Variants in TTC7A observed in about 807,000 individuals in gnomAD.
TTC7A encodes the protein tetratricopeptide repeat domain 7A, also known as tetratricopeptide repeat protein 7A.
A neutral mutation model predicts 103.7 loss-of-function variants in TTC7A; 110 were observed. That is an observed-to-expected ratio of 1.06 (90% confidence interval 0.91 to 1.24). The LOEUF is 1.24. TTC7A is among the 50% of genes most tolerant of loss of function. TTC7A has a pLI of 0.00. For missense variants in TTC7A, 1,340 were observed against 1,116.3 expected (o/e 1.20, Z -2.86); for synonymous variants, 521 against 467.9 (o/e 1.11, Z -1.47).
chr2:47,010,830 G>A (rs138327050), intron 10 of TTC7A, among the ~76,000 whole-genome samples: 6 of 152,240 alleles, frequency 3.9e-5, no homozygotes, highest in Admixed American at 1.3e-4. Flanking sequence ...CTCCTGAGTC[G>A]TTGGGACTAT....
intron 19 of TTC7A, chr2:47,068,653 T>G (rs1684386507): frequency 1.3e-5 from 2 of 151,514 alleles, no homozygotes; most frequent in African/African-American, 4.8e-5. Context: ...TCAGTGGGGA[T>G]CAGAGGCCCC....
upstream of TTC7A, chr2:46,915,966 A>G (rs970499093): frequency 1.0e-6 from 1 of 985,264 alleles, no homozygotes; most frequent in Admixed American, 6.1e-5. Context: ...GGCGGGACTG[A>G]CGCAGTTCTT....
In TTC7A at chr2:47,006,420, A is replaced by T. The variant is rs562848947; in HGVS notation, c.1204-221A>T. 5.3e-5 allele frequency among the ~76,000 whole-genome samples: 8 copies of T among 152,312 alleles called. No individual in the cohort carries two copies. In the South Asian group the frequency reaches 1.0e-3, roughly 20 times the overall value. On this transcript the variant is annotated intron_variant, in intron 9 of 19. Transcript: ENST00000319190. Reference sequence around the variant, plus strand: ...CTGTGAGATCATTCACATGTTAAGGAGGTGAACTGAGGGCCTGAGAGGGTG... The same window carrying T: ...CTGTGAGATCATTCACATGTTAAGGTGGTGAACTGAGGGCCTGAGAGGGTG...
intron 11 of TTC7A, among the ~76,000 whole-genome samples, chr2:47,016,117 A>G (rs1040076017): frequency 6.6e-6 from 1 of 152,320 alleles, no homozygotes. Context: ...GCATTAGCAG[A>G]GTGTGTGAGC....
At chr2:46,929,393 A>G (rs765108280) in intron 2 of TTC7A, among the ~76,000 whole-genome samples, 14 of 152,156 alleles carry the variant, frequency 9.2e-5, no homozygotes, top group African/African-American at 1.9e-4. Context: ...AGGCTGAGGC[A>G]GGATTGCTTG....
rs756396293 is a variant in TTC7A, at chr2:47,073,937, G to A, written c.*14G>A. 232 of 1,600,732 alleles carry A rather than the reference G, an allele frequency of 1.4e-4. No homozygotes were observed. The highest frequency in any genetic ancestry group is 1.8e-4 in the Non-Finnish European group (212 of 1,172,628). ...AGAGAGCTCTGACGACGCTGCAGCC[G>A]CAGGGAGGGAGGGGCTGGCCAGAGG... On this transcript the variant is annotated 3_prime_UTR_variant, in exon 20 of 20. Transcript: ENST00000319190.
chr2:46,950,270 T>C (rs1671288241), intron 1 of TTC7A, 93 bp from the exon 2 acceptor site: 2 of 1,323,154 alleles, frequency 1.5e-6, no homozygotes, highest in African/African-American at 2.9e-5. Context: ...ATGTACTGGG[T>C]ATGGGTGGTT....
intron 2 of TTC7A, among the ~76,000 whole-genome samples, chr2:46,921,134 T>C (rs1669082619): frequency 2.0e-5 from 3 of 152,208 alleles, no homozygotes. Context: ...TTCAACACTA[T>C]TGAAAGTGCT....
At chr2:47,037,807 G>C (rs1438546645) in intron 15 of TTC7A, among the ~76,000 whole-genome samples, 2 of 152,192 alleles carry the variant, frequency 1.3e-5, no homozygotes, top group East Asian at 3.8e-4. Context: ...TGCACGTAAT[G>C]GGGATTGGGG....
Position 46,946,417 on chromosome 2 carries a change from T to A in TTC7A, c.185-3946T>A, listed in dbSNP as rs112680056. 1.6e-3 allele frequency among the ~76,000 whole-genome samples: 241 copies of A among 152,294 alleles called. 2 individuals are homozygous for A. Among genetic ancestry groups the A allele is most frequent in the Middle Eastern group, 0.01 (3 of 294 alleles). On this transcript the variant is annotated intron_variant, in intron 1 of 19. Transcript: ENST00000319190. ...TTTATCCACCTGAATTCTTTTTTTT[T>A]AATTTTTTTAATTTTTATTTTCTAG...
rs534733492 is a variant in TTC7A at position 47,021,366 on chromosome 2, C to G, written c.1393-496C>G. 5.9e-4 allele frequency among the ~76,000 whole-genome samples: 90 copies of G among 152,338 alleles called. No individual in the cohort carries two copies. In the South Asian group the frequency reaches 0.017, roughly 29 times the overall value. On this transcript the variant is annotated intron_variant, in intron 11 of 19. Coordinates refer to ENST00000319190, the MANE Select transcript of TTC7A (RefSeq NM_020458.4). ...GCACATGTGACCCATACGGGTTGGT[C>G]CATTTCCAACTGGAACAGTCCCTCC...
At chr2:46,916,140 C>G, upstream of TTC7A, 1 of 985,540 alleles carries the variant, frequency 1.0e-6, no homozygotes, top group South Asian at 4.7e-5. Flanking sequence ...AAGCTGGCTC[C>G]CAACTCCGCT....
At chr2:46,929,982 T>C (rs1055945604) in intron 2 of TTC7A, among the ~76,000 whole-genome samples, 6 of 152,296 alleles carry the variant, frequency 3.9e-5, no homozygotes, top group East Asian at 1.9e-4. Context: ...TGAAGAAATA[T>C]GGAGAAAAGC....
intron 10 of TTC7A, among the ~76,000 whole-genome samples, chr2:47,009,159 AG>A (rs1178617396): frequency 6.6e-6 from 1 of 152,110 alleles, no homozygotes; most frequent in African/African-American, 2.4e-5. Context: ...GCAGGGCCTC[AG>A]GAGGAGGTAG....
chr2:46,974,887 G>C, intron 3 of TTC7A, 86 bp from the exon 4 acceptor site: 1 of 1,555,140 alleles, frequency 6.4e-7, no homozygotes, highest in Non-Finnish European at 8.7e-7. Flanking sequence ...TGCCCCCTCG[G>C]ATGAGCCCAC....
intron 15 of TTC7A, chr2:47,045,535 G>C (rs1682224549): frequency 6.6e-6 from 1 of 152,228 alleles, no homozygotes; most frequent in Admixed American, 6.5e-5. Flanking sequence ...TAGGTTTTCA[G>C]GTCGAAAGAA....
chr2:46,984,440 C>CT (rs1355148263), intron 5 of TTC7A, among the ~76,000 whole-genome samples: 1 of 152,198 alleles, frequency 6.6e-6, no homozygotes, highest in African/African-American at 2.4e-5. Flanking sequence ...TAAGATGGGG[C>CT]TTCTGTTTGT....
rs1681084214 is a variant in TTC7A, at chr2:47,036,183, G to A, written c.1802+6799G>A. ...TGTCAGCCCAGAAACAGATAAGAAT[G>A]CCATGTAACCCTGCAGCCAGCTGCA... is the stretch of plus-strand genomic sequence containing the variant. On this transcript the variant is annotated intron_variant, in intron 15 of 19. Coordinates refer to ENST00000319190, the MANE Select transcript of TTC7A (RefSeq NM_020458.4). Among the ~76,000 whole-genome samples, 9 of 152,222 alleles carry A rather than the reference G, an allele frequency of 5.9e-5. 1 individual carries two copies. The South Asian group carries it at 1.9e-3, about 31-fold the overall frequency.
upstream of TTC7A, among the ~76,000 whole-genome samples, chr2:46,940,232 G>A (rs190553267): frequency 2.6e-5 from 4 of 152,138 alleles, no homozygotes; most frequent in Non-Finnish European, 4.4e-5. This position sits in a 1 kb window ranked among gnomAD's most constrained non-coding sequence, Gnocchi z 4.7. Context: ...GGGAGGACGT[G>A]GAGCACCTTC....
Sources: allele counts gnomAD v4.1 joint callset (sites outside exome capture counted in the v4.1 genomes callset), GRCh38; gene constraint gnomAD v4.1.1; non-coding constraint Gnocchi (gnomAD v3.1); transcripts MANE v1.5; gene names NCBI Gene and HGNC (gene_info 2026-07-23, HGNC 2026-07-21).